Variants in SCUBE2 observed in about 807,000 individuals in gnomAD.
SCUBE2 encodes the protein signal peptide, CUB and EGF-like domain-containing protein 2.
A neutral mutation model predicts 125.9 loss-of-function variants in SCUBE2; 114 were observed. The observed-to-expected ratio is 0.91, with a 90% confidence interval of 0.78 to 1.06. SCUBE2 has a LOEUF of 1.06. Among genes scored for constraint, SCUBE2 ranks in the 50% least tolerant of loss-of-function variants. The pLI, the probability that SCUBE2 is intolerant of heterozygous loss-of-function variation, is 0.00. For missense variants in SCUBE2, 1,255 were observed against 1,301.8 expected, an observed-to-expected ratio of 0.96 and a Z score of 0.55; for synonymous variants, 459 against 492.9, an observed-to-expected ratio of 0.93 and a Z score of 0.91.
intron 22 of SCUBE2, 76 bp downstream of exon 22, chr11:9,021,800 G>C: frequency 9.0e-7 from 1 of 1,112,190 alleles, no homozygotes; most frequent in Non-Finnish European, 1.4e-6. Context: ...ACAAGGAGCA[G>C]GAGGAGAAGC....
intron 21 of SCUBE2, chr11:9,024,101 C>T (rs988251894): frequency 9.7e-6 from 5 of 515,246 alleles, no homozygotes; most frequent in Non-Finnish European, 1.3e-5. Context: ...GCAAGACTCA[C>T]TCTCGTGGGC....
intron 2 of SCUBE2, among the ~76,000 whole-genome samples, chr11:9,087,730 C>T (rs1321437757): frequency 2.0e-5 from 3 of 152,186 alleles, no homozygotes; most frequent in Non-Finnish European, 1.5e-5. Flanking sequence ...ATCTGTTATT[C>T]ATATTTGCTG....
rs3751052 is a variant in SCUBE2, at chr11:9,050,593, C to T, written c.1639+13G>A. The T allele has an allele frequency of 0.6, 957,190 of 1,605,744 alleles. 287,362 individuals carry two copies. Among genetic ancestry groups the T allele is most frequent in the Admixed American group, 0.71 (42,822 of 60,006 alleles). ...GCAGGCAAGCTCCCTACACCAACCA[C>T]CTGATTCCATACCTGGTAGTGCTGG... On this transcript the variant is annotated intron_variant, in intron 14 of 22. Coordinates refer to ENST00000649792, the MANE Select transcript of SCUBE2 (RefSeq NM_001367977.2).
At chr11:9,082,472 G>A (rs1171326382) in intron 2 of SCUBE2, among the ~76,000 whole-genome samples, 1 of 151,986 alleles carries the variant, frequency 6.6e-6, no homozygotes, top group Non-Finnish European at 1.5e-5. Context: ...CCACTCCTAG[G>A]TATATACCCA....
chr11:9,053,858 G>C, intron 10 of SCUBE2, 99 bp from the exon 11 acceptor site: 1 of 1,436,118 alleles, frequency 7.0e-7, no homozygotes, highest in Non-Finnish European at 9.5e-7. Context: ...TCACAAGGTT[G>C]AAACTCACTA....
chr11:9,069,799 C>T (rs753059631), intron 4 of SCUBE2, among the ~76,000 whole-genome samples: 20 of 152,194 alleles, frequency 1.3e-4, no homozygotes, highest in Non-Finnish European at 2.2e-4. Flanking sequence ...CTGGTACTCA[C>T]GCTCTTATCT....
Position 9,091,553 on chromosome 11 carries a change from AGGCGGCGGAGTGCGGGCGGT to A in SCUBE2, c.-45_-26del. On this transcript the variant is annotated 5_prime_UTR_variant, in exon 1 of 23. Coordinates refer to ENST00000649792, the MANE Select transcript of SCUBE2 (RefSeq NM_001367977.2). The surrounding 1 kb of genome is among the most constrained non-coding windows in gnomAD (Gnocchi z 8.5). ...TGGATGGCTCAGCGGTTGCGGGCAG[AGGCGGCGGAGTGCGGGCGGT>A]GGCGGCGGCGGCGCGGGGAGGTGTG... 1.8e-6 allele frequency: 1 copy of A among 564,226 alleles called. No homozygotes were observed. The allele number at this position is 564,226 out of a possible 1,614,324, so 35.0% of individuals were successfully genotyped here. A position where few individuals can be genotyped will look rare whatever the true frequency, so the allele number is the denominator to read the frequency against.
intron 9 of SCUBE2, among the ~76,000 whole-genome samples, chr11:9,058,363 C>T (rs929840379): frequency 6.6e-6 from 1 of 151,866 alleles, no homozygotes; most frequent in South Asian, 2.1e-4. Context: ...TTTGGGAGGC[C>T]GAGGCAGGCA....
rs757922583 is a variant in SCUBE2 at position 9,030,015 on chromosome 11, G to T, written c.2372C>A (p.Thr791Asn). ...VQCSPGHFYN[T>N]TTHRCIRCPV... ...GCAACGAATACATCGGTGAGTGGTG[G>T]TGTTGTAGAAATGTCCAGGTGAACA... Residue 791 changes from threonine to asparagine, a missense_variant, in exon 19 of 23, where the codon ACC becomes AAC. Transcript: ENST00000649792. 2.5e-6 allele frequency: 4 copies of T among 1,614,200 alleles called. No homozygotes were observed. In the Admixed American group the frequency reaches 5.0e-5, roughly 20 times the overall value.
intron 21 of SCUBE2, 74 bp downstream of exon 21, chr11:9,025,628 T>C (rs1012450980): frequency 6.4e-7 from 1 of 1,554,444 alleles, no homozygotes; most frequent in East Asian, 2.3e-5. Flanking sequence ...TTGTCAGCAG[T>C]TTGCCAGCTG....
intron 2 of SCUBE2, among the ~76,000 whole-genome samples, chr11:9,083,953 G>GC (rs1861863233): frequency 6.6e-6 from 1 of 152,196 alleles, no homozygotes. Flanking sequence ...ACGTGTGCAT[G>GC]CGTGGATGAG....
At position 9,059,983 on chromosome 11, in the gene SCUBE2, G is replaced by A. The variant is rs570910490; in HGVS notation, c.967+425C>T. ...GAAATATGAGCAAGTCATTGGGGTC[G>A]CTCTTCATCAGTAAAAGTTAATGGT... On this transcript the variant is annotated intron_variant, in intron 8 of 22. Coordinates refer to ENST00000649792, the MANE Select transcript of SCUBE2 (RefSeq NM_001367977.2). Among the ~76,000 whole-genome samples, 7 of 152,240 alleles carry A rather than the reference G, an allele frequency of 4.6e-5. No homozygotes were observed. The South Asian group carries it at 1.2e-3, about 27-fold the overall frequency.
chr11:9,052,664 A>C (rs1284048505), intron 13 of SCUBE2, 82 bp downstream of exon 13: 5 of 1,036,500 alleles, frequency 4.8e-6, no homozygotes, highest in Non-Finnish European at 7.0e-6. Context: ...AAACAAAGCC[A>C]ATGTCCAAGA....
intron 5 of SCUBE2, 31 bp from the exon 6 acceptor site, chr11:9,066,844 A>G (rs1271211788): frequency 1.3e-6 from 2 of 1,543,148 alleles, no homozygotes; most frequent in East Asian, 2.3e-5. Flanking sequence ...TACATAAAGC[A>G]CTGAGATTTC....
chr11:9,022,405 C>T (rs1485213620), intron 21 of SCUBE2: 1 of 156,706 alleles, frequency 6.4e-6, no homozygotes, highest in Non-Finnish European at 1.4e-5. Flanking sequence ...GCTTCCATCT[C>T]ACTTACCTGC....
At chr11:9,074,426 A>G in intron 4 of SCUBE2, 55 bp downstream of exon 4, 2 of 1,602,270 alleles carry the variant, frequency 1.2e-6, no homozygotes, top group Non-Finnish European at 1.7e-6. Context: ...GTGCGCGTGC[A>G]AGGGAGAGGG....
intron 4 of SCUBE2, among the ~76,000 whole-genome samples, chr11:9,072,052 T>G (rs554074096): frequency 6.6e-6 from 1 of 152,312 alleles, no homozygotes; most frequent in South Asian, 2.1e-4. Context: ...TCTTGAGCTT[T>G]CCCTCAGAGT....
At chr11:9,053,897 C>T (rs1858703367) in intron 10 of SCUBE2, 138 bp from the exon 11 acceptor site, 1 of 1,039,726 alleles carries the variant, frequency 9.6e-7, no homozygotes, top group Non-Finnish European at 1.4e-6. Flanking sequence ...ATGCCTTTAG[C>T]ATGAGCGCTC....
rs529447862 is a variant in SCUBE2, at chr11:9,048,035, T to C, written c.1703A>G (p.Gln568Arg). The change falls in exon 15 of 23, where the codon CAA becomes CGA. Residue 568 changes from glutamine to arginine, a missense_variant. By Grantham distance (43) the Gln-to-Arg change is conservative (BLOSUM62 1). This residue lies in a region of SCUBE2 where 378 missense variants were observed against 463.1 expected (regional missense o/e 0.82). Transcript: ENST00000649792. ...YVNLTCSSGK[Q>R]VPGAPGRPST... is the part of the protein sequence containing the mutation. ...TGGTCGGCCAGGGGCTCCTGGGACT[T>C]GCTTGCCAGAGCTGCATGTAAGGTT... is the stretch of plus-strand genomic sequence containing the variant. The C allele has an allele frequency of 6.2e-7, 1 of 1,614,228 alleles. No individual in the cohort carries two copies. The highest frequency in any genetic ancestry group is 1.1e-5 in the South Asian group (1 of 91,088).
Sources: allele counts gnomAD v4.1 joint callset (sites outside exome capture counted in the v4.1 genomes callset), GRCh38; gene constraint gnomAD v4.1.1; regional missense constraint gnomAD v4.1.1; non-coding constraint Gnocchi (gnomAD v3.1); transcripts MANE v1.5; gene names NCBI Gene and HGNC (gene_info 2026-07-23, HGNC 2026-07-21).